BTAF1: variants seen among roughly 807,000 people sequenced by gnomAD.
The protein encoded by BTAF1 is TATA-binding protein-associated factor 172.
In BTAF1, 38 loss-of-function variants were observed where a neutral mutation model predicts 227.1. The observed-to-expected ratio is 0.17, with a 90% CI of 0.13 to 0.22. The LOEUF is 0.22. Among genes scored for constraint, BTAF1 ranks in the 10% least tolerant of loss-of-function variants. BTAF1 has a pLI of 1.00. For missense variants in BTAF1, 1,598 were observed against 2,204.0 expected, an observed-to-expected ratio of 0.73 and a Z score of 5.51; for synonymous variants, 742 against 751.9, an observed-to-expected ratio of 0.99 and a Z score of 0.21.
At chr10:91,971,668 C>T (rs370375072) in intron 14 of BTAF1, among the ~76,000 whole-genome samples, 171 of 152,010 alleles carry the variant, frequency 1.1e-3, no homozygotes, top group Non-Finnish European at 1.4e-3. Flanking sequence ...GACAGGGTTT[C>T]GCCATGTTGG....
chr10:92,014,604 A>G (rs1850577489), intron 32 of BTAF1, among the ~76,000 whole-genome samples: 1 of 152,254 alleles, frequency 6.6e-6, no homozygotes, highest in Non-Finnish European at 1.5e-5. Flanking sequence ...GCCAATGTTT[A>G]TAAAGGCCAA....
chr10:91,941,160 G>C (rs1028414664), intron 3 of BTAF1, among the ~76,000 whole-genome samples: 1 of 152,108 alleles, frequency 6.6e-6, no homozygotes, highest in South Asian at 2.1e-4. Context: ...GTTATAACTT[G>C]TTTTAGAAAA....
intron 14 of BTAF1, among the ~76,000 whole-genome samples, chr10:91,977,980 T>G (rs1367045259): frequency 1.3e-5 from 2 of 152,188 alleles, no homozygotes; most frequent in African/African-American, 4.8e-5. Flanking sequence ...AGACTAGTAC[T>G]AATTTGTTAC....
chr10:91,976,763 A>G (rs1331115764), intron 14 of BTAF1, among the ~76,000 whole-genome samples: 4 of 152,230 alleles, frequency 2.6e-5, no homozygotes, highest in Non-Finnish European at 5.9e-5. Context: ...TCCAGTGGCC[A>G]GGATGGATTT....
At position 92,008,289 on chromosome 10, in the gene BTAF1, A is replaced by C; in HGVS notation, c.3813+14A>C. 2.6e-6 allele frequency: 4 copies of C among 1,546,036 alleles called. No homozygotes were observed. The highest frequency in any genetic ancestry group is 3.5e-6 in the Non-Finnish European group (4 of 1,156,766). On this transcript the variant is annotated intron_variant, in intron 26 of 37. Transcript: ENST00000265990. Reference sequence around the variant, plus strand: ...AAATATCAGCAGGTAAGTTTTATACAATAGTGAGTTTTCCTTTCAAATGAA... The same window carrying C: ...AAATATCAGCAGGTAAGTTTTATACCATAGTGAGTTTTCCTTTCAAATGAA...
intron 1 of BTAF1, among the ~76,000 whole-genome samples, chr10:91,934,814 T>A (rs1190174581): frequency 2.0e-5 from 3 of 152,142 alleles, no homozygotes; most frequent in Non-Finnish European, 4.4e-5. Flanking sequence ...TTTCTTCCCC[T>A]TTCCCTTTCA....
chr10:91,988,695 C>T (rs539998111), intron 19 of BTAF1, among the ~76,000 whole-genome samples: 1 of 152,344 alleles, frequency 6.6e-6, no homozygotes, highest in Admixed American at 6.5e-5. Flanking sequence ...ATTCAGTTAG[C>T]AACACTTAGC....
At chr10:92,023,388 G>T (rs995615916) in intron 34 of BTAF1, among the ~76,000 whole-genome samples, 2 of 152,146 alleles carry the variant, frequency 1.3e-5, no homozygotes, top group Non-Finnish European at 1.5e-5. Flanking sequence ...AAATCATCCT[G>T]CATGAAGATC....
chr10:91,939,188 G>A (rs1370089875), intron 2 of BTAF1, among the ~76,000 whole-genome samples: 4 of 151,984 alleles, frequency 2.6e-5, no homozygotes, highest in Admixed American at 2.6e-4. Flanking sequence ...TTATTCTTAA[G>A]TATTTTCTAC....
At chr10:91,927,160 C>A (rs2133752749) in intron 1 of BTAF1, among the ~76,000 whole-genome samples, 1 of 148,584 alleles carries the variant, frequency 6.7e-6, no homozygotes, top group East Asian at 2.0e-4. Flanking sequence ...TTTTTTGAGA[C>A]AGAGTTTTGC....
rs1382230107 is a variant in BTAF1 at position 91,996,251 on chromosome 10, G to A, written c.3310-118G>A. 6 of 774,028 alleles carry A rather than the reference G, an allele frequency of 7.8e-6. 1 individual carries two copies. The Middle Eastern group carries it at 1.5e-3, about 195-fold the overall frequency. The allele number at this position is 774,028 out of a possible 1,614,324, so 47.9% of individuals were successfully genotyped here. ...TTGGCAGTAATGTTTTGAAGTATTT[G>A]GAGATATTTTTAGAGTCACTTAGAA... On this transcript the variant is annotated intron_variant, in intron 23 of 37. Transcript: ENST00000265990.
At chr10:92,020,555 GA>G (rs1186074670) in intron 34 of BTAF1, among the ~76,000 whole-genome samples, 1 of 152,122 alleles carries the variant, frequency 6.6e-6, no homozygotes, top group Non-Finnish European at 1.5e-5. Flanking sequence ...GGTTAGTGTG[GA>G]AAATGTTATC....
At chr10:92,009,504 CTTCT>C (rs1211043301) in intron 28 of BTAF1, among the ~76,000 whole-genome samples, 3 of 152,080 alleles carry the variant, frequency 2.0e-5, no homozygotes, top group African/African-American at 7.2e-5. Context: ...CTTTTTGGTG[CTTCT>C]GTTTTATTCT....
intron 14 of BTAF1, among the ~76,000 whole-genome samples, chr10:91,967,139 G>C (rs1044935950): frequency 6.6e-6 from 1 of 152,188 alleles, no homozygotes; most frequent in East Asian, 1.9e-4. Flanking sequence ...ACATTTGAAG[G>C]TCTAGAGTAC....
intron 37 of BTAF1, among the ~76,000 whole-genome samples, chr10:92,028,414 A>G (rs1157915492): frequency 6.6e-6 from 1 of 152,164 alleles, no homozygotes; most frequent in African/African-American, 2.4e-5. Context: ...GTTCTTAGGA[A>G]TACATGCTGA....
intron 1 of BTAF1, among the ~76,000 whole-genome samples, chr10:91,926,136 T>G (rs1307575432): frequency 6.6e-6 from 1 of 152,212 alleles, no homozygotes; most frequent in Non-Finnish European, 1.5e-5. Context: ...GCCTTCTCCA[T>G]GCACGAAGCA....
intron 25 of BTAF1, among the ~76,000 whole-genome samples, chr10:92,007,174 C>T (rs868832878): frequency 3.7e-4 from 52 of 141,178 alleles, no homozygotes; most frequent in East Asian, 1.0e-3. Context: ...TTATTAAAAT[C>T]GATCATTTTT....
intron 4 of BTAF1, among the ~76,000 whole-genome samples, chr10:91,946,877 T>A (rs537737458): frequency 6.6e-6 from 1 of 151,970 alleles, no homozygotes; most frequent in Admixed American, 6.6e-5. Context: ...TCTCACTCCA[T>A]TACCCAGGCT....
chr10:92,013,580 TATA>T, intron 30 of BTAF1, 84 bp from the exon 31 acceptor site: 3 of 1,514,660 alleles, frequency 2.0e-6, no homozygotes, highest in Non-Finnish European at 2.7e-6. Context: ...TCTATATGAT[TATA>T]ATAATGGGCT....
Sources: allele counts gnomAD v4.1 joint callset (sites outside exome capture counted in the v4.1 genomes callset), GRCh38; gene constraint gnomAD v4.1.1; transcripts MANE v1.5; gene names NCBI Gene and HGNC (gene_info 2026-07-23, HGNC 2026-07-21).